Variants in ANOS1 observed in about 807,000 individuals in gnomAD.
ANOS1 encodes anosmin 1.
In ANOS1, 6 loss-of-function variants were observed where a neutral mutation model predicts 59.0. The observed-to-expected ratio is 0.10, with a 90% CI of 0.06 to 0.20. The LOEUF (loss-of-function observed/expected upper bound fraction) is 0.20. Ranked by LOEUF, ANOS1 falls within the 10% of genes least tolerant of loss-of-function variation. The pLI, the probability that ANOS1 is intolerant of heterozygous loss-of-function variation, is 1.00. For synonymous variants in ANOS1, 217 were observed against 223.4 expected (o/e 0.97, Z 0.25); for missense variants, 433 against 542.3 (o/e 0.80, Z 2.00).
intron 2 of ANOS1, among the ~76,000 whole-genome samples, chrX:8,672,165 TACACAC>T (rs111374928): frequency 4.6e-3 from 476 of 102,445 alleles, no homozygotes; most frequent in Middle Eastern, 0.02. Flanking sequence ...CACATGCACA[TACACAC>T]ACACACACAC....
chrX:8,703,988 G>A (rs1326284396), intron 1 of ANOS1, among the ~76,000 whole-genome samples: 1 of 111,109 alleles, frequency 9.0e-6, no homozygotes, highest in African/African-American at 3.3e-5. Context: ...TGATGTGAGA[G>A]GGACCCTAGG....
intron 6 of ANOS1, 122 bp downstream of exon 6, chrX:8,585,145 A>C: frequency 1.2e-6 from 1 of 835,278 alleles, no homozygotes; most frequent in East Asian, 3.4e-5. Context: ...CCCATTCTCT[A>C]AAACAGCAAA....
At chrX:8,619,886 C>G (rs1931258196) in intron 3 of ANOS1, among the ~76,000 whole-genome samples, 1 of 112,235 alleles carries the variant, frequency 8.9e-6, no homozygotes, top group Admixed American at 9.4e-5. Context: ...TAACAGTACT[C>G]TAAATGGTAA....
chrX:8,645,133 A>T (rs1931730187), intron 2 of ANOS1, among the ~76,000 whole-genome samples: 1 of 112,578 alleles, frequency 8.9e-6, no homozygotes, highest in Admixed American at 9.4e-5. Flanking sequence ...TCAAAATGCA[A>T]TGCTTTCACT....
chrX:8,605,696 G>A, intron 3 of ANOS1, among the ~76,000 whole-genome samples: 1 of 104,438 alleles, frequency 9.6e-6, no homozygotes, highest in African/African-American at 3.5e-5. Context: ...AAGAAAGATA[G>A]ATCAAGGAAT....
At chrX:8,573,858 A>G (rs1930275078) in intron 6 of ANOS1, among the ~76,000 whole-genome samples, 1 of 111,647 alleles carries the variant, frequency 9.0e-6, no homozygotes, top group South Asian at 3.8e-4. Flanking sequence ...TCTTGAGCAA[A>G]TTGTGTTAGC....
intron 2 of ANOS1, among the ~76,000 whole-genome samples, chrX:8,650,102 T>C (rs962467010): frequency 8.9e-6 from 1 of 112,518 alleles, no homozygotes; most frequent in Admixed American, 9.4e-5. Context: ...AGTAGTGTAA[T>C]CCTCTTGAGA....
chrX:8,724,460 C>A (rs1266145738), intron 1 of ANOS1, among the ~76,000 whole-genome samples: 2 of 112,342 alleles, frequency 1.8e-5, no homozygotes, highest in East Asian at 5.7e-4. Flanking sequence ...TGATCCCATG[C>A]GATGCTTTTG....
chrX:8,713,747 G>A (rs1184895451), intron 1 of ANOS1, among the ~76,000 whole-genome samples: 1 of 109,917 alleles, frequency 9.1e-6, no homozygotes, highest in Non-Finnish European at 1.9e-5. Flanking sequence ...CAAGGAGCTG[G>A]GATTACAGGC....
At chrX:8,644,005 T>C (rs1322232293) in intron 2 of ANOS1, among the ~76,000 whole-genome samples, 1 of 111,127 alleles carries the variant, frequency 9.0e-6, no homozygotes, top group African/African-American at 3.3e-5. Flanking sequence ...CCCTAAAATG[T>C]ATAAAACCAA....
At chrX:8,556,071 G>A (rs1328561501) in intron 8 of ANOS1, among the ~76,000 whole-genome samples, 9 of 112,091 alleles carry the variant, frequency 8.0e-5, no homozygotes, top group African/African-American at 2.6e-4. Flanking sequence ...CAGAACCAAT[G>A]ACAAAAAACA....
At chrX:8,596,964 C>T (rs944123887) in intron 4 of ANOS1, 70 bp downstream of exon 4, 2 of 1,200,063 alleles carry the variant, frequency 1.7e-6, no homozygotes, top group Non-Finnish European at 2.2e-6. Context: ...ATGATGGACA[C>T]CCTTCCCTAG....
intron 2 of ANOS1, among the ~76,000 whole-genome samples, chrX:8,683,555 C>T (rs960283349): frequency 2.7e-5 from 3 of 111,475 alleles, no homozygotes; most frequent in Admixed American, 1.9e-4. Context: ...TCTAGAAGGA[C>T]AGGAATACTG....
At chrX:8,589,404 G>T (rs1450784755) in intron 4 of ANOS1, among the ~76,000 whole-genome samples, 1 of 111,768 alleles carries the variant, frequency 8.9e-6, no homozygotes, top group African/African-American at 3.3e-5. Context: ...TTGAATAGGA[G>T]ATAACTGAAT....
rs1209359282 is a variant in ANOS1, at chrX:8,682,304, GA to G, written c.255+17393del. 3.2e-3 allele frequency among the ~76,000 whole-genome samples: 245 copies of G among 77,562 alleles called. 1 individual carries two copies. The highest frequency in any genetic ancestry group is 8.9e-3 in the African/African-American group (177 of 19,987). 67.4% of individuals were successfully genotyped at this position (77,562 alleles called of 115,157 possible). ...AAATGTCAGAGAAAGCTACAGAGAAGAAAAAAAAAAAAAGTAAGATCTGGCT... is the reference window on the plus strand; with the variant it reads ...AAATGTCAGAGAAAGCTACAGAGAAGAAAAAAAAAAAAGTAAGATCTGGCT... On this transcript the variant is annotated intron_variant, in intron 2 of 13. Transcript: ENST00000262648.
At chrX:8,660,570 T>C (rs1345833888) in intron 2 of ANOS1, among the ~76,000 whole-genome samples, 1 of 110,579 alleles carries the variant, frequency 9.0e-6, no homozygotes, top group Non-Finnish European at 1.9e-5. Flanking sequence ...AGCCCAGGAG[T>C]TCGAGACCAG....
At chrX:8,615,345 C>G (rs1931150056) in intron 3 of ANOS1, among the ~76,000 whole-genome samples, 1 of 110,109 alleles carries the variant, frequency 9.1e-6, no homozygotes, top group South Asian at 3.9e-4. Flanking sequence ...GAGTTCAAGA[C>G]CAGCCTGGCC....
intron 4 of ANOS1, among the ~76,000 whole-genome samples, chrX:8,593,995 T>G (rs971760378): frequency 9.0e-6 from 1 of 111,450 alleles, no homozygotes; most frequent in African/African-American, 3.3e-5. Flanking sequence ...CCATGCCCAG[T>G]GAGTGTTTCC....
At chrX:8,679,515 C>G (rs1932387448) in intron 2 of ANOS1, among the ~76,000 whole-genome samples, 2 of 103,384 alleles carry the variant, frequency 1.9e-5, no homozygotes, top group African/African-American at 7.2e-5. Context: ...ATTATTTATG[C>G]TTATAATATC....
Sources: gnomAD v4.1 joint callset for allele counts (sites outside exome capture counted in the v4.1 genomes callset) on GRCh38, gnomAD v4.1.1 for gene constraint, MANE v1.5 for transcripts, NCBI Gene and HGNC (gene_info 2026-07-23, HGNC 2026-07-21) for gene names.